Variants in SYNJ2 observed in about 807,000 individuals in gnomAD.
SYNJ2 encodes the protein synaptojanin 2, also known as polyphosphatidylinositol phosphatase SYNJ2.
In SYNJ2, 116 loss-of-function variants were observed where a neutral mutation model predicts 141.3. The ratio of observed to expected loss-of-function variants is 0.82; its 90% CI spans 0.71 to 0.96. SYNJ2 has a LOEUF of 0.96. Ranked by LOEUF, SYNJ2 falls within the 40% of genes least tolerant of loss-of-function variation. The probability of loss-of-function intolerance (pLI) is 0.00; values close to 1 mark genes in which losing one functional copy is unlikely to be tolerated. For missense variants in SYNJ2, 1,873 were observed against 1,934.8 expected (o/e 0.97, Z 0.60); for synonymous variants, 745 against 777.7 (o/e 0.96, Z 0.70).
intron 13 of SYNJ2, 30 bp downstream of exon 13, chr6:158,068,758 G>A: frequency 1.2e-6 from 2 of 1,611,628 alleles, no homozygotes; most frequent in Non-Finnish European, 1.7e-6. Context: ...GGGCCAGGCA[G>A]GGACTTCCTG....
chr6:157,985,230 C>G (rs1019645218), intron 1 of SYNJ2, among the ~76,000 whole-genome samples: 11 of 151,846 alleles, frequency 7.2e-5, no homozygotes, highest in African/African-American at 2.7e-4. Flanking sequence ...TGGACTCCTT[C>G]CATCTGAACC....
chr6:158,078,264 A>G lies in SYNJ2; in HGVS notation c.2550A>G (p.Leu850=), dbSNP rs760333349. The G allele has an allele frequency of 2.5e-5, 41 of 1,613,476 alleles. No individual in the cohort carries two copies. The highest frequency in any genetic ancestry group is 3.5e-5 in the Non-Finnish European group (41 of 1,179,404). ...GALQYYGRAE[L]QASDHRPVLA... ...TGCAGTATTATGGTCGTGCGGAGCT[A>G]CAAGCGTCTGATCACAGGTGAGGTC... The change falls in exon 18 of 27, where the codon CTA becomes CTG. Residue 850 remains leucine (L), a synonymous_variant. Transcript: ENST00000355585.
In SYNJ2 at chr6:158,043,693, G is replaced by A. The variant is rs1390038728; in HGVS notation, c.795+294G>A. 3.9e-5 allele frequency among the ~76,000 whole-genome samples: 6 copies of A among 152,216 alleles called. No homozygotes were observed. In the East Asian group the frequency reaches 5.8e-4, roughly 15 times the overall value. On this transcript the variant is annotated intron_variant, in intron 5 of 26. Transcript: ENST00000355585. This position sits in a 1 kb window ranked among gnomAD's most constrained non-coding sequence, Gnocchi z 4.0. Reference sequence around the variant, plus strand: ...CTGCGGTGCCTGCTGAGTGGGTGCCGCGAAGTGAGCTTGGGTAGCACTGCC... The same window carrying A: ...CTGCGGTGCCTGCTGAGTGGGTGCCACGAAGTGAGCTTGGGTAGCACTGCC...
intron 18 of SYNJ2, chr6:158,078,486 G>A (rs1028993227): frequency 1.1e-5 from 4 of 374,180 alleles, no homozygotes; most frequent in Admixed American, 4.3e-5. Context: ...TTAGCATTTT[G>A]TCATTGCTCC....
At chr6:157,986,655 T>C (rs1476013791) in intron 1 of SYNJ2, among the ~76,000 whole-genome samples, 3 of 152,192 alleles carry the variant, frequency 2.0e-5, no homozygotes, top group African/African-American at 7.2e-5. Flanking sequence ...TTTTTGTAGC[T>C]CACCTGTAAG....
At chr6:158,057,775 C>G (rs994105344) in intron 6 of SYNJ2, among the ~76,000 whole-genome samples, 1 of 152,206 alleles carries the variant, frequency 6.6e-6, no homozygotes, top group African/African-American at 2.4e-5. Context: ...CGGTGGGCTC[C>G]CTCACCAGGG....
intron 26 of SYNJ2, among the ~76,000 whole-genome samples, chr6:158,093,449 AC>A (rs1472351423): frequency 6.7e-5 from 7 of 104,432 alleles, no homozygotes; most frequent in African/African-American, 2.9e-4. Flanking sequence ...AAAAAAAAAA[AC>A]AAAAAAAAAA....
chr6:158,065,081 G>A, intron 11 of SYNJ2, 90 bp downstream of exon 11: 1 of 1,410,078 alleles, frequency 7.1e-7, no homozygotes, highest in Non-Finnish European at 9.3e-7. Context: ...CAGAGAGCGG[G>A]TGGCAGAGGT....
chr6:158,089,143 G>A (rs1453156678), intron 24 of SYNJ2, among the ~76,000 whole-genome samples: 1 of 152,178 alleles, frequency 6.6e-6, no homozygotes, highest in African/African-American at 2.4e-5. Context: ...CTGGAGTGAA[G>A]TTGGTTGAGA....
chr6:158,049,464 G>T (rs1457833368), intron 5 of SYNJ2, among the ~76,000 whole-genome samples: 1 of 152,296 alleles, frequency 6.6e-6, no homozygotes, highest in East Asian at 1.9e-4. Context: ...ACGGAGGAAG[G>T]GTGAGCTCCG....
intron 16 of SYNJ2, among the ~76,000 whole-genome samples, chr6:158,076,227 T>C (rs1457786056): frequency 1.3e-5 from 2 of 152,088 alleles, no homozygotes; most frequent in Non-Finnish European, 2.9e-5. Flanking sequence ...TGCGCTTCTA[T>C]GTACTTAGCT....
At chr6:157,997,865 A>G (rs928153311) in intron 1 of SYNJ2, among the ~76,000 whole-genome samples, 1 of 152,244 alleles carries the variant, frequency 6.6e-6, no homozygotes, top group African/African-American at 2.4e-5. Context: ...GGCTGTCAGC[A>G]CAAATCAACA....
chr6:158,039,071 G>T (rs1230014047), intron 4 of SYNJ2, among the ~76,000 whole-genome samples: 1 of 152,228 alleles, frequency 6.6e-6, no homozygotes, highest in Admixed American at 6.5e-5. Flanking sequence ...AGAGATGGCT[G>T]CAGGGAAGTG....
chr6:157,990,862 C>T (rs1352039889), intron 1 of SYNJ2, among the ~76,000 whole-genome samples: 3 of 152,054 alleles, frequency 2.0e-5, no homozygotes, highest in Non-Finnish European at 2.9e-5. Flanking sequence ...CACCTCCAAA[C>T]TCTTCACCTG....
rs565300647 is a variant in SYNJ2 at position 158,033,925 on chromosome 6, A to T, written c.711+245A>T. 2.6e-5 allele frequency among the ~76,000 whole-genome samples: 4 copies of T among 152,336 alleles called. No individual in the cohort carries two copies. In the South Asian group the frequency reaches 8.3e-4, roughly 32 times the overall value. On this transcript the variant is annotated intron_variant, in intron 4 of 26. Coordinates refer to ENST00000355585, the MANE Select transcript of SYNJ2 (RefSeq NM_003898.4). ...AGGGAAAATGCTGCTTAGCCGAGGTATTTTTAACTAAACGGAATCAGGAAT... is the reference window on the plus strand; with the variant it reads ...AGGGAAAATGCTGCTTAGCCGAGGTTTTTTTAACTAAACGGAATCAGGAAT...
Position 158,026,207 on chromosome 6 carries a change from T to C in SYNJ2, c.215-2549T>C, listed in dbSNP as rs555637762. 3.4e-4 allele frequency among the ~76,000 whole-genome samples: 51 copies of C among 152,192 alleles called. No homozygotes were observed. The Middle Eastern group carries it at 0.02, about 61-fold the overall frequency. On this transcript the variant is annotated intron_variant, in intron 2 of 26. Coordinates refer to ENST00000355585, the MANE Select transcript of SYNJ2 (RefSeq NM_003898.4). ...GGTAGCCCTGAGACAGCAGCATGGG[T>C]AAGCAGGCTGGCGACGTCATCTGCA... is the stretch of plus-strand genomic sequence containing the variant.
chr6:158,062,197 T>C (rs754819416), intron 8 of SYNJ2, 33 bp downstream of exon 8: 5 of 1,599,018 alleles, frequency 3.1e-6, no homozygotes, highest in Middle Eastern at 4.0e-4. Flanking sequence ...CCGCGTCTTC[T>C]GCTGGGGGGA....
At chr6:158,030,236 A>G (rs1044129727) in intron 3 of SYNJ2, among the ~76,000 whole-genome samples, 4 of 152,254 alleles carry the variant, frequency 2.6e-5, no homozygotes, top group Non-Finnish European at 5.9e-5. Context: ...GATGCCAGGT[A>G]GAAGCAAAAG....
chr6:158,044,806 C>A (rs957959805), intron 5 of SYNJ2, among the ~76,000 whole-genome samples: 2 of 152,130 alleles, frequency 1.3e-5, no homozygotes, highest in Admixed American at 1.3e-4. Flanking sequence ...CATCTACTGT[C>A]TTTATCTATA....
Sources: gnomAD v4.1 joint callset for allele counts (sites outside exome capture counted in the v4.1 genomes callset) on GRCh38, gnomAD v4.1.1 for gene constraint, Gnocchi (gnomAD v3.1) non-coding constraint, MANE v1.5 for transcripts, NCBI Gene and HGNC (gene_info 2026-07-23, HGNC 2026-07-21) for gene names.